SRP19: variants seen among roughly 807,000 people sequenced by gnomAD.
SRP19 encodes signal recognition particle 19 kDa protein.
A neutral mutation model predicts 22.4 loss-of-function variants in SRP19; 11 were observed. That is an observed-to-expected ratio of 0.49 (90% CI 0.31 to 0.81). The LOEUF (loss-of-function observed/expected upper bound fraction) is 0.81, where lower values mean the gene tolerates loss of function less well. Ranked by LOEUF, SRP19 falls within the 40% of genes least tolerant of loss-of-function variation. The probability of loss-of-function intolerance (pLI) is 0.05; values close to 1 mark genes in which losing one functional copy is unlikely to be tolerated. For synonymous variants in SRP19, 61 were observed against 57.6 expected, an observed-to-expected ratio of 1.06 and a Z score of -0.27; for missense variants, 168 against 175.9, an observed-to-expected ratio of 0.96 and a Z score of 0.25.
chr5:112,888,885 C>G (rs773281646), intron 4 of SRP19, among the ~76,000 whole-genome samples: 1 of 150,726 alleles, frequency 6.6e-6, no homozygotes, highest in South Asian at 2.1e-4. Context: ...CCATAATTCT[C>G]ATGTGTTGTG....
intron 4 of SRP19, among the ~76,000 whole-genome samples, chr5:112,875,874 G>A (rs1380420052): frequency 1.3e-5 from 2 of 151,834 alleles, no homozygotes; most frequent in Admixed American, 6.6e-5. Context: ...GTGAAACCCC[G>A]TCTCTACTAA....
chr5:112,875,412 AGG>A, intron 4 of SRP19, among the ~76,000 whole-genome samples: 2 of 149,372 alleles, frequency 1.3e-5, no homozygotes, highest in Non-Finnish European at 3.0e-5. Context: ...CCTGTCGCCC[AGG>A]CTGGAGTGCA....
Position 112,864,720 on chromosome 5 carries a change from C to G in SRP19, c.289C>G (p.Gln97Glu). The change falls in exon 4 of 5, where the codon CAG (glutamine) becomes GAG (glutamate). Residue 97 changes from glutamine to glutamate, a missense_variant. Coordinates refer to ENST00000505459, the MANE Select transcript of SRP19 (RefSeq NM_003135.3). ...KQEDGSLCLV[Q>E]FPSRKSVMLY... ...GGAAGATGGGAGCCTCTGCCTTGTA[C>G]AGTTCCCATCACGTAAGCTTGTTTA... 3 of 1,612,244 alleles carry G rather than the reference C, an allele frequency of 1.9e-6. No homozygotes were observed. The highest frequency in any genetic ancestry group is 2.5e-6 in the Non-Finnish European group (3 of 1,178,846).
rs754358702 is a variant in SRP19, at chr5:112,892,014, AGAG to A, written c.*414_*416del. The A allele has an allele frequency of 6.5e-4, 846 of 1,310,788 alleles. 4 individuals carry two copies. The African/African-American group carries it at 0.011, about 17-fold the overall frequency. The allele number at this position is 1,310,788 out of a possible 1,614,324, so 81.2% of individuals were successfully genotyped here. The stretch of plus-strand genomic sequence containing the variant: ...AAGAACAGCAGAGGAAAGAGAGAGA[AGAG>A]GAGGAGCAGAAACAACAGGAGAAGA... On this transcript the variant is annotated 3_prime_UTR_variant, in exon 5 of 5. Transcript: ENST00000391338.
At chr5:112,879,623 A>G (rs1439600238) in intron 4 of SRP19, among the ~76,000 whole-genome samples, 4 of 151,904 alleles carry the variant, frequency 2.6e-5, no homozygotes, top group South Asian at 2.1e-4. Context: ...ACATGCACTC[A>G]CCACCACGCC....
At chr5:112,897,474 G>C (rs1235806156), downstream of SRP19, 1 of 151,888 alleles carries the variant, frequency 6.6e-6, no homozygotes, top group East Asian at 1.9e-4. Flanking sequence ...TCTGGCACAT[G>C]GAGGTTCTAA....
At chr5:112,863,093 C>T (rs576354558) in intron 2 of SRP19, among the ~76,000 whole-genome samples, 1 of 152,198 alleles carries the variant, frequency 6.6e-6, no homozygotes, top group South Asian at 2.1e-4. Context: ...TGGGTGGTAA[C>T]AAGCACTCAA....
At chr5:112,883,908 C>T (rs1415237325) in intron 4 of SRP19, among the ~76,000 whole-genome samples, 1 of 152,116 alleles carries the variant, frequency 6.6e-6, no homozygotes, top group Admixed American at 6.6e-5. Context: ...CTGACCCATG[C>T]CCAATCCATA....
In SRP19 at chr5:112,868,438, T is replaced by C; in HGVS notation, c.*901T>C. 1 of 962,428 alleles carries C rather than the reference T, an allele frequency of 1.0e-6. No homozygotes were observed. The highest frequency in any genetic ancestry group is 1.2e-6 in the Non-Finnish European group (1 of 807,080). 59.6% of individuals were successfully genotyped at this position (962,428 alleles called of 1,614,324 possible). A position where few individuals can be genotyped will look rare whatever the true frequency, so the allele number is the denominator to read the frequency against. Reference sequence around the variant, plus strand: ...TTTTTGAGATGGAGTTTCACTCTTGTTGCCTAGGCTGGAGTGCAATGGCAC... The same window carrying C: ...TTTTTGAGATGGAGTTTCACTCTTGCTGCCTAGGCTGGAGTGCAATGGCAC... On this transcript the variant is annotated 3_prime_UTR_variant, in exon 5 of 5. Transcript: ENST00000505459.
At chr5:112,879,630 C>T (rs62364059) in intron 4 of SRP19, among the ~76,000 whole-genome samples, 1,877 of 152,160 alleles carry the variant, frequency 0.012, 16 homozygotes, top group Non-Finnish European at 0.021. Context: ...CTCACCACCA[C>T]GCCCAGCTAA....
At chr5:112,892,495 C>T (rs1768506946) in exon 5 of SRP19, 1 of 1,614,054 alleles carries the variant, frequency 6.2e-7, no homozygotes, top group African/African-American at 1.3e-5. Flanking sequence ...AGAAGAATGC[C>T]AAGCAGCCCT....
chr5:112,896,095 C>G (rs1055660303), downstream of SRP19: 2 of 152,628 alleles, frequency 1.3e-5, no homozygotes, highest in Admixed American at 6.5e-5. Context: ...GAGTTAATGT[C>G]AGAAGAAAGC....
downstream of SRP19, among the ~76,000 whole-genome samples, chr5:112,871,948 G>A (rs780821852): frequency 1.3e-5 from 2 of 152,092 alleles, no homozygotes; most frequent in Non-Finnish European, 2.9e-5. Context: ...AACTGAGTTC[G>A]CATCCTCTAC....
intron 4 of SRP19, 85 bp from the exon 5 acceptor site, chr5:112,867,319 T>A (rs1360159985): frequency 6.8e-7 from 1 of 1,475,244 alleles, no homozygotes; most frequent in African/African-American, 1.4e-5. Context: ...ATGTGATAGT[T>A]TCTTACACTT....
intron 4 of SRP19, among the ~76,000 whole-genome samples, chr5:112,884,198 C>T (rs1768161464): frequency 1.3e-5 from 2 of 152,122 alleles, no homozygotes; most frequent in Admixed American, 6.5e-5. Context: ...AGAGTAGAAG[C>T]CAAACCTTTA....
At position 112,869,159 on chromosome 5, in the gene SRP19, T is replaced by C. The variant is rs977931397; in HGVS notation, c.*1622T>C. On this transcript the variant is annotated 3_prime_UTR_variant, in exon 5 of 5. Transcript: ENST00000505459. ...TTAAATCCAAGTGAGGTTGCTGTGG[T>C]GGTTGGTTTAGCTCTCAGTGATGCC... 11 of 152,180 alleles carry C rather than the reference T, an allele frequency of 7.2e-5. No individual in the cohort carries two copies. The highest frequency in any genetic ancestry group is 2.7e-4 in the African/African-American group (11 of 41,414). 9.4% of individuals were successfully genotyped at this position (152,180 alleles called of 1,614,324 possible). A position where few individuals can be genotyped will look rare whatever the true frequency, so the allele number is the denominator to read the frequency against.
intron 4 of SRP19, chr5:112,887,032 T>G: frequency 6.2e-7 from 1 of 1,609,044 alleles, no homozygotes; most frequent in Non-Finnish European, 8.5e-7. Flanking sequence ...AGTGATGGCA[T>G]CTGCAGTCTC....
chr5:112,888,096 C>A (rs934526281), intron 4 of SRP19, among the ~76,000 whole-genome samples: 2 of 152,236 alleles, frequency 1.3e-5, no homozygotes, highest in Non-Finnish European at 2.9e-5. Flanking sequence ...AAGTCACTTA[C>A]AGAGATTCCA....
Position 112,864,536 on chromosome 5 carries a change from G to A in SRP19, c.189+8G>A, listed in dbSNP as rs754478327. 6 of 1,613,608 alleles carry A rather than the reference G, an allele frequency of 3.7e-6. No homozygotes were observed. Among genetic ancestry groups the A allele is most frequent in the East Asian group, 2.2e-5 (1 of 44,886 alleles). On this transcript the variant is annotated splice_region_variant and intron_variant, in intron 3 of 4. Transcript: ENST00000505459. Reference sequence around the variant, plus strand: ...CTTAACGTATTTCTTGAGGTATGACGTGGTTCTTCACTATTTTCCATACTC... The same window carrying A: ...CTTAACGTATTTCTTGAGGTATGACATGGTTCTTCACTATTTTCCATACTC...
Sources: gnomAD v4.1 joint callset for allele counts (sites outside exome capture counted in the v4.1 genomes callset) on GRCh38, gnomAD v4.1.1 for gene constraint, MANE v1.5 for transcripts, NCBI Gene and HGNC (gene_info 2026-07-23, HGNC 2026-07-21) for gene names.